The following NSD2 variants were observed in gnomAD, a reference collection of about 807,000 sequenced individuals.
NSD2 encodes histone-lysine N-methyltransferase NSD2.
NSD2 carries 12 observed loss-of-function variants against 139.0 expected under a neutral mutation model. That is an observed-to-expected ratio of 0.09 (90% confidence interval 0.06 to 0.14). The LOEUF is 0.14. NSD2 is among the 10% of genes least tolerant of loss of function. NSD2 has a pLI of 1.00. For synonymous variants in NSD2, 669 were observed against 648.7 expected (o/e 1.03, Z -0.48); for missense variants, 1,155 against 1,745.0 (o/e 0.66, Z 6.02).
chr4:1,941,472 G>T (rs1161927553), intron 9 of NSD2: 2 of 1,047,520 alleles, frequency 1.9e-6, no homozygotes, highest in Non-Finnish European at 2.3e-6. Context: ...TGAGTCAGGG[G>T]AGCTCAGTCT....
intron 18 of NSD2, among the ~76,000 whole-genome samples, chr4:1,971,294 CAGA>C (rs1726449023): frequency 1.3e-5 from 2 of 152,136 alleles, no homozygotes; most frequent in Non-Finnish European, 2.9e-5. Context: ...TTCAGTGACA[CAGA>C]AGAAGGCTTT....
intron 3 of NSD2, among the ~76,000 whole-genome samples, chr4:1,911,616 A>AAAAAG (rs1718702844): frequency 6.6e-6 from 1 of 150,846 alleles, no homozygotes; most frequent in Non-Finnish European, 1.5e-5. Flanking sequence ...AAGAAAAAAA[A>AAAAAG]AAAGAAAGAA....
At position 1,942,566 on chromosome 4, in the gene NSD2, G is replaced by A. The variant is rs1723207235; in HGVS notation, c.1881+2788G>A. 7.3e-7 allele frequency: 1 copy of A among 1,366,930 alleles called. No individual in the cohort carries two copies. Among genetic ancestry groups the A allele is most frequent in the South Asian group, 1.8e-5 (1 of 56,060 alleles). 84.7% of individuals were successfully genotyped at this position (1,366,930 alleles called of 1,614,324 possible). The stretch of plus-strand genomic sequence containing the variant: ...ACAGATAACAAATTTTAAGACCAAG[G>A]TAAGATAACTAATCAAGGCCATTTA... On this transcript the variant is annotated intron_variant, in intron 9 of 21. Coordinates refer to ENST00000508803, the MANE Select transcript of NSD2 (RefSeq NM_001042424.3). This position sits in a 1 kb window ranked among gnomAD's most constrained non-coding sequence, Gnocchi z 4.0.
chr4:1,944,131 G>T, intron 9 of NSD2: 8 of 1,066,428 alleles, frequency 7.5e-6, no homozygotes, highest in Non-Finnish European at 9.1e-6. Flanking sequence ...AAGGTGGGCA[G>T]GGGCAAGTGA....
chr4:1,944,573 A>G lies in NSD2; in HGVS notation c.1881+4795A>G, dbSNP rs74697571. Reference sequence around the variant, plus strand: ...CAGTGTAAAACTTGAGGCATTCACTAGAGGTGAAAACTTGTCAGAATATAT... The same window carrying G: ...CAGTGTAAAACTTGAGGCATTCACTGGAGGTGAAAACTTGTCAGAATATAT... On this transcript the variant is annotated intron_variant, in intron 9 of 21. Transcript: ENST00000508803. 3.0e-3 allele frequency: 3,228 copies of G among 1,064,318 alleles called. 71 individuals carry two copies. The African/African-American group carries it at 0.048, about 16-fold the overall frequency. 65.9% of individuals were successfully genotyped at this position (1,064,318 alleles called of 1,614,324 possible).
intron 1 of NSD2, among the ~76,000 whole-genome samples, chr4:1,900,391 T>G (rs546244234): frequency 6.6e-6 from 1 of 152,306 alleles, no homozygotes; most frequent in African/African-American, 2.4e-5. Flanking sequence ...TGACTGACTT[T>G]CATGTTCTTC....
intron 17 of NSD2, among the ~76,000 whole-genome samples, 175 bp from the exon 18 acceptor site, chr4:1,960,860 G>A (rs1217488024): frequency 6.6e-6 from 1 of 152,232 alleles, no homozygotes. Flanking sequence ...TTTACATACA[G>A]ATATGTCTGA....
In NSD2 at chr4:1,955,873, T is replaced by C; in HGVS notation, c.2675+24T>C. 1 of 1,611,690 alleles carries C rather than the reference T, an allele frequency of 6.2e-7. No individual in the cohort carries two copies. Among genetic ancestry groups the C allele is most frequent in the Non-Finnish European group, 8.5e-7 (1 of 1,177,954 alleles). The stretch of plus-strand genomic sequence containing the variant: ...AGGTGTGAGACATAGAATCGTATGC[T>C]TTTATGTCTTTTCTGTTCACATGTG... On this transcript the variant is annotated intron_variant, in intron 14 of 21. Transcript: ENST00000508803. This position sits in a 1 kb window ranked among gnomAD's most constrained non-coding sequence, Gnocchi z 4.7.
At position 1,956,667 on chromosome 4, in the gene NSD2, C is replaced by T. The variant is rs1269626542; in HGVS notation, c.2881+479C>T. ...GATGTGGCATGGCTGGCTGATGACC[C>T]ACGTTTGAGGGAGGCAGGATGGGGA... On this transcript the variant is annotated intron_variant, in intron 15 of 21. Coordinates refer to ENST00000508803, the MANE Select transcript of NSD2 (RefSeq NM_001042424.3). This position sits in a 1 kb window ranked among gnomAD's most constrained non-coding sequence, Gnocchi z 5.3. 1.3e-5 allele frequency among the ~76,000 whole-genome samples: 2 copies of T among 152,066 alleles called. No homozygotes were observed. The highest frequency in any genetic ancestry group is 4.8e-5 in the African/African-American group (2 of 41,384).
chr4:1,981,993 A>G lies in NSD2; in HGVS notation c.*3084A>G. ...TCTAAACTTCATACAATGTAAGGTCAGATTCCTTTTAGGAATACTGGGTGC... is the reference window on the plus strand; with the variant it reads ...TCTAAACTTCATACAATGTAAGGTCGGATTCCTTTTAGGAATACTGGGTGC... On this transcript the variant is annotated 3_prime_UTR_variant, in exon 22 of 22. Transcript: ENST00000508803. 1 of 398,604 alleles carries G rather than the reference A, an allele frequency of 2.5e-6. No individual in the cohort carries two copies. The highest frequency in any genetic ancestry group is 4.4e-6 in the Non-Finnish European group (1 of 226,042). 24.7% of individuals were successfully genotyped at this position (398,604 alleles called of 1,614,324 possible). A position where few individuals can be genotyped will look rare whatever the true frequency, so the allele number is the denominator to read the frequency against.
At chr4:1,970,007 C>CAG (rs1726281846) in intron 18 of NSD2, among the ~76,000 whole-genome samples, 1 of 152,066 alleles carries the variant, frequency 6.6e-6, no homozygotes, top group Non-Finnish European at 1.5e-5. Context: ...GGGGAGTGAG[C>CAG]AGAGTGCAGC....
intron 1 of NSD2, among the ~76,000 whole-genome samples, chr4:1,873,690 G>A (rs1560535986): frequency 1.3e-5 from 2 of 152,160 alleles, no homozygotes; most frequent in South Asian, 4.1e-4. Flanking sequence ...TACTCACATG[G>A]CAGAATGTGA....
At chr4:1,909,524 CGTT>C (rs1718383892) in intron 3 of NSD2, among the ~76,000 whole-genome samples, 3 of 152,104 alleles carry the variant, frequency 2.0e-5, no homozygotes, top group South Asian at 2.1e-4. Flanking sequence ...TGGTGAGTGT[CGTT>C]GTTTTGGAAG....
intron 1 of NSD2, among the ~76,000 whole-genome samples, chr4:1,875,078 C>T (rs1714149518): frequency 1.3e-5 from 2 of 152,102 alleles, no homozygotes; most frequent in Admixed American, 1.3e-4. Flanking sequence ...CCTCCCAGCT[C>T]ATTCTCCTAA....
chr4:1,947,112 G>A, intron 9 of NSD2: 5 of 1,065,182 alleles, frequency 4.7e-6, no homozygotes, highest in Non-Finnish European at 5.7e-6. Context: ...TTGTCCTCAA[G>A]TCCTTCGCAG....
chr4:1,924,585 A>G (rs1471841538), intron 5 of NSD2, among the ~76,000 whole-genome samples: 1 of 152,110 alleles, frequency 6.6e-6, no homozygotes, highest in Non-Finnish European at 1.5e-5. Context: ...TACTAAAAGT[A>G]ATATAAAACC....
chr4:1,938,418 T>TTA, intron 7 of NSD2, 33 bp from the exon 8 acceptor site: 2 of 449,646 alleles, frequency 4.4e-6, no homozygotes, highest in Non-Finnish European at 3.2e-6. Context: ...TTTTCTTTCT[T>TTA]TTTTTTTTTT....
chr4:1,946,313 G>A (rs1279373285), intron 9 of NSD2: 1 of 767,098 alleles, frequency 1.3e-6, no homozygotes, highest in Non-Finnish European at 1.6e-6. Flanking sequence ...GGCCAGGCTG[G>A]AGTGCAGTAA....
rs114089487 is a variant in NSD2 at position 1,962,018 on chromosome 4, C to T, written c.3372+867C>T. On this transcript the variant is annotated intron_variant, in intron 18 of 21. Transcript: ENST00000508803. ...TGAAAACCAGATAGAAAATGATCAC[C>T]GATAAAAAAATGTTGAACAATTCAT... 9.3e-3 allele frequency among the ~76,000 whole-genome samples: 1,416 copies of T among 152,196 alleles called. 8 individuals carry two copies. The highest frequency in any genetic ancestry group is 0.011 in the Non-Finnish European group (772 of 68,000).
Sources: gnomAD v4.1 joint callset for allele counts (sites outside exome capture counted in the v4.1 genomes callset) on GRCh38, gnomAD v4.1.1 for gene constraint, Gnocchi (gnomAD v3.1) non-coding constraint, MANE v1.5 for transcripts, NCBI Gene and HGNC (gene_info 2026-07-23, HGNC 2026-07-21) for gene names.